Variants in SORL1 observed in about 807,000 individuals in gnomAD.
SORL1 encodes sortilin related receptor 1, also known as sortilin-related receptor.
In SORL1, 127 loss-of-function variants were observed where a neutral mutation model predicts 273.7. The observed-to-expected ratio is 0.46, with a 90% CI of 0.40 to 0.54. SORL1 has a LOEUF of 0.54. Ranked by LOEUF, SORL1 falls within the 20% of genes least tolerant of loss-of-function variation. The pLI, the probability that SORL1 is intolerant of heterozygous loss-of-function variation, is 0.00. For missense variants in SORL1, 2,494 were observed against 2,846.1 expected (o/e 0.88, Z 2.81); for synonymous variants, 1,031 against 1,067.4 (o/e 0.97, Z 0.66).
At chr11:121,454,425 A>G (rs1387216358) in intron 1 of SORL1, among the ~76,000 whole-genome samples, 1 of 152,158 alleles carries the variant, frequency 6.6e-6, no homozygotes, top group East Asian at 1.9e-4. Context: ...GCTCCAGGGG[A>G]TGTGGGGCAG....
intron 30 of SORL1, chr11:121,590,518 A>G (rs1863193426): frequency 3.9e-6 from 2 of 516,326 alleles, no homozygotes; most frequent in South Asian, 4.5e-5. Context: ...CAGAATCTGC[A>G]TGCTAATAAG....
intron 2 of SORL1, among the ~76,000 whole-genome samples, chr11:121,471,250 G>A (rs566301306): frequency 4.6e-5 from 7 of 152,346 alleles, no homozygotes; most frequent in African/African-American, 9.6e-5. Flanking sequence ...TCTGGTTGCC[G>A]TGCAGGATGC....
intron 45 of SORL1, 40 bp from the exon 46 acceptor site, chr11:121,625,045 A>G (rs749980768): frequency 2.7e-6 from 4 of 1,460,466 alleles, no homozygotes; most frequent in African/African-American, 2.8e-5. Flanking sequence ...GTCAGTTTCC[A>G]TATTCGACTT....
intron 3 of SORL1, among the ~76,000 whole-genome samples, chr11:121,485,352 A>T (rs1861458679): frequency 6.6e-6 from 1 of 152,172 alleles, no homozygotes; most frequent in Non-Finnish European, 1.5e-5. Flanking sequence ...AAGGGGTGAG[A>T]TGTGAACATG....
intron 30 of SORL1, 38 bp downstream of exon 30, chr11:121,590,212 A>G (rs201660217): frequency 2.2e-4 from 358 of 1,602,666 alleles, no homozygotes; most frequent in Non-Finnish European, 2.9e-4. Context: ...CCCCATAACC[A>G]AGACACACCA....
intron 11 of SORL1, among the ~76,000 whole-genome samples, chr11:121,524,531 C>G (rs1862090495): frequency 6.6e-6 from 1 of 152,160 alleles, no homozygotes; most frequent in Non-Finnish European, 1.5e-5. Context: ...ATCTGAGTCC[C>G]CATGGGCAGC....
chr11:121,563,083 A>G lies in SORL1; in HGVS notation c.3049+3426A>G, dbSNP rs1862703044. Among the ~76,000 whole-genome samples, 1 of 152,186 alleles carries G rather than the reference A, an allele frequency of 6.6e-6. No homozygotes were observed. Among genetic ancestry groups the G allele is most frequent in the Non-Finnish European group, 1.5e-5 (1 of 68,030 alleles). On this transcript the variant is annotated intron_variant, in intron 21 of 47. Transcript: ENST00000260197. This position sits in a 1 kb window ranked among gnomAD's most constrained non-coding sequence, Gnocchi z 4.2. ...CTTCCCAAAGACTTCTATATGTACTATCAATATTTCCATTTTATAGGTGAG... is the reference window on the plus strand; with the variant it reads ...CTTCCCAAAGACTTCTATATGTACTGTCAATATTTCCATTTTATAGGTGAG...
At chr11:121,574,476 A>G in intron 24 of SORL1, 113 bp downstream of exon 24, 1 of 953,944 alleles carries the variant, frequency 1.0e-6, no homozygotes, top group Admixed American at 2.4e-5. Context: ...AGGATTTATG[A>G]TATTCTAGCT....
chr11:121,560,158 G>A (rs1036571582), intron 21 of SORL1, among the ~76,000 whole-genome samples: 1 of 152,220 alleles, frequency 6.6e-6, no homozygotes, highest in African/African-American at 2.4e-5. Flanking sequence ...TTCCCACCAT[G>A]AAACCCTAAA....
intron 18 of SORL1, among the ~76,000 whole-genome samples, chr11:121,556,772 G>T (rs1005813702): frequency 1.3e-5 from 2 of 152,216 alleles, no homozygotes; most frequent in African/African-American, 2.4e-5. Context: ...AGTGGGGCAG[G>T]TAGGCCCAGG....
chr11:121,610,993 C>A, intron 38 of SORL1, 83 bp from the exon 39 acceptor site: 1 of 889,176 alleles, frequency 1.1e-6, no homozygotes, highest in South Asian at 1.4e-5. Flanking sequence ...ATGGCTTTGT[C>A]CGTTGAGTTG....
intron 12 of SORL1, among the ~76,000 whole-genome samples, chr11:121,539,606 A>T (rs1225358493): frequency 1.3e-5 from 2 of 150,654 alleles, no homozygotes; most frequent in African/African-American, 2.5e-5. Flanking sequence ...GCAAAATAGA[A>T]TTTTTTTTCT....
At chr11:121,569,850 A>G (rs1028989105) in intron 22 of SORL1, among the ~76,000 whole-genome samples, 3 of 152,130 alleles carry the variant, frequency 2.0e-5, no homozygotes, top group Non-Finnish European at 4.4e-5. Context: ...ATCACTAATA[A>G]AAACTTGGTG....
intron 40 of SORL1, 109 bp downstream of exon 40, chr11:121,612,941 T>G: frequency 1.3e-6 from 1 of 753,996 alleles, no homozygotes; most frequent in Non-Finnish European, 2.3e-6. Flanking sequence ...AGGTATTCTC[T>G]GGAAGCTGTT....
intron 12 of SORL1, 133 bp from the exon 13 acceptor site, chr11:121,543,415 T>C (rs1480620286): frequency 5.8e-6 from 4 of 685,356 alleles, no homozygotes; most frequent in Non-Finnish European, 9.9e-6. Context: ...CCTTAAACTT[T>C]CCCTGCCTTA....
At chr11:121,629,130 A>T in intron 47 of SORL1, 1 of 207,522 alleles carries the variant, frequency 4.8e-6, no homozygotes, top group Non-Finnish European at 9.6e-6. Context: ...AAGAGAAAGC[A>T]GACACTGAAG....
chr11:121,453,833 C>T (rs1284347832), intron 1 of SORL1, among the ~76,000 whole-genome samples: 1 of 152,246 alleles, frequency 6.6e-6, no homozygotes, highest in Non-Finnish European at 1.5e-5. Context: ...TTTTTGTCTG[C>T]ATTGTCTCAG....
At chr11:121,577,906 C>T (rs1862960132) in intron 25 of SORL1, among the ~76,000 whole-genome samples, 2 of 152,024 alleles carry the variant, frequency 1.3e-5, no homozygotes, top group Non-Finnish European at 1.5e-5. Context: ...GTTGGGTTCG[C>T]TTATGTTCAT....
At chr11:121,483,610 G>T (rs979310860) in intron 3 of SORL1, among the ~76,000 whole-genome samples, 2 of 152,148 alleles carry the variant, frequency 1.3e-5, no homozygotes, top group Admixed American at 1.3e-4. Flanking sequence ...GAGAGATTGG[G>T]GTACACAAAG....
Sources: gnomAD v4.1 joint callset for allele counts (sites outside exome capture counted in the v4.1 genomes callset) on GRCh38, gnomAD v4.1.1 for gene constraint, Gnocchi (gnomAD v3.1) non-coding constraint, MANE v1.5 for transcripts, NCBI Gene and HGNC (gene_info 2026-07-23, HGNC 2026-07-21) for gene names.